SPATA13: variants seen among roughly 807,000 people sequenced by gnomAD.
SPATA13 encodes spermatogenesis associated 13, also known as spermatogenesis-associated protein 13.
SPATA13 carries 50 observed loss-of-function variants against 104.0 expected under a neutral mutation model. That is an observed-to-expected ratio of 0.48 (90% CI 0.38 to 0.61). The LOEUF (loss-of-function observed/expected upper bound fraction) is 0.61, where lower values mean the gene tolerates loss of function less well. Among genes scored for constraint, SPATA13 ranks in the 20% least tolerant of loss-of-function variants. SPATA13 has a pLI of 0.00. For missense variants in SPATA13, 1,524 were observed against 1,690.6 expected (o/e 0.90, Z 1.73); for synonymous variants, 606 against 667.5 (o/e 0.91, Z 1.42).
chr13:24,006,668 C>T (rs981864896), intron 2 of SPATA13, among the ~76,000 whole-genome samples: 1 of 152,166 alleles, frequency 6.6e-6, no homozygotes, highest in African/African-American at 2.4e-5. Context: ...GGGGCCTGCA[C>T]GGCTATGGTC....
intron 2 of SPATA13, among the ~76,000 whole-genome samples, chr13:23,991,750 C>T (rs1875426563): frequency 6.6e-6 from 1 of 152,076 alleles, no homozygotes; most frequent in South Asian, 2.1e-4. Flanking sequence ...CAGTGACCTT[C>T]ATTTGTAGAC....
chr13:24,071,921 C>A (rs1173095946), intron 3 of SPATA13, among the ~76,000 whole-genome samples: 2 of 152,168 alleles, frequency 1.3e-5, no homozygotes, highest in Admixed American at 6.5e-5. Context: ...ACAGCTAGAG[C>A]TCTTAAGAAT....
intron 2 of SPATA13, among the ~76,000 whole-genome samples, chr13:24,016,937 T>C (rs535845005): frequency 5.9e-5 from 9 of 152,340 alleles, no homozygotes; most frequent in Non-Finnish European, 8.8e-5. Context: ...AGTTACTGAA[T>C]GACAGTGGAT....
At chr13:24,172,206 C>T (rs901880704) in intron 1 of SPATA13, among the ~76,000 whole-genome samples, 13 of 152,176 alleles carry the variant, frequency 8.5e-5, no homozygotes, top group Non-Finnish European at 1.5e-4. Context: ...ATTATGAAAT[C>T]GGAATGTTTG....
chr13:24,071,199 T>G (rs182809638), intron 3 of SPATA13, among the ~76,000 whole-genome samples: 6 of 152,236 alleles, frequency 3.9e-5, no homozygotes, highest in Admixed American at 3.9e-4. Flanking sequence ...AGGAGACAGC[T>G]GCATCTCAGT....
intron 5 of SPATA13, among the ~76,000 whole-genome samples, chr13:24,285,686 T>G (rs988528323): frequency 2.6e-5 from 4 of 151,092 alleles, no homozygotes; most frequent in Non-Finnish European, 5.9e-5. Context: ...CTGGCTTTTT[T>G]TTTTTTTTTT....
rs548358931 is a variant in SPATA13 at position 24,189,918 on chromosome 13, AT to A, written c.-112+28987del. On this transcript the variant is annotated intron_variant, in intron 1 of 12. Transcript: ENST00000382108. ...ATTATATAATTATATTACATAATATATATTATATAATTATATAATATATTAC... is the reference window on the plus strand; with the variant it reads ...ATTATATAATTATATTACATAATATAATTATATAATTATATAATATATTAC... 7.0e-4 allele frequency among the ~76,000 whole-genome samples: 66 copies of A among 94,322 alleles called. 17 individuals are homozygous for A. The South Asian group carries it at 0.022, about 32-fold the overall frequency. 61.9% of individuals were successfully genotyped at this position (94,322 alleles called of 152,430 possible).
intron 8 of SPATA13, among the ~76,000 whole-genome samples, 170 bp downstream of exon 8, chr13:24,289,348 G>C (rs1382287126): frequency 6.6e-6 from 1 of 152,106 alleles, no homozygotes; most frequent in Non-Finnish European, 1.5e-5. Flanking sequence ...AACAAAATCT[G>C]TATAGTTAAT....
chr13:24,132,361 C>T (rs9580881), intron 3 of SPATA13, among the ~76,000 whole-genome samples: 1 of 152,158 alleles, frequency 6.6e-6, no homozygotes, highest in African/African-American at 2.4e-5. Context: ...GCCATCTGGA[C>T]CAAGTCCTAA....
chr13:24,027,138 T>G, intron 3 of SPATA13, among the ~76,000 whole-genome samples: 1 of 144,364 alleles, frequency 6.9e-6, no homozygotes, highest in East Asian at 2.0e-4. Context: ...TTAGCCGTTT[T>G]TTTTTTTTTT....
intron 4 of SPATA13, among the ~76,000 whole-genome samples, chr13:24,263,977 C>T (rs2138683625): frequency 6.6e-6 from 1 of 152,274 alleles, no homozygotes; most frequent in South Asian, 2.1e-4. Context: ...ACAAATATGG[C>T]CTTTAGTGCC....
rs778704021 is a variant in SPATA13 at position 24,297,481 on chromosome 13, C to G, written c.3329C>G (p.Ser1110Cys). The change falls in exon 11 of 13, where the codon TCC (serine) becomes TGC (cysteine). Residue 1110 changes from serine (S) to cysteine (C), a missense_variant. Physicochemically the swap from Ser to Cys is moderately radical, Grantham distance 112. This residue lies in a region of SPATA13 where 435 missense variants were observed against 554.8 expected (regional missense o/e 0.78). Transcript: ENST00000382108. ...TFFLFDHQLV[S>C]CKKDLLRRDM... ...TTCCTGTTTGACCACCAGCTGGTGT[C>G]CTGCAAGAAGGACCTGCTGCGCAGG... 2 of 1,614,170 alleles carry G rather than the reference C, an allele frequency of 1.2e-6. No homozygotes were observed. Among genetic ancestry groups the G allele is most frequent in the Admixed American group, 3.3e-5 (2 of 60,026 alleles).
intron 3 of SPATA13, chr13:24,123,050 AT>A: frequency 1.0e-6 from 1 of 955,924 alleles, no homozygotes; most frequent in Non-Finnish European, 1.7e-6. Context: ...TCATTGCCAA[AT>A]GTTGTGTCAT....
In SPATA13 at chr13:24,175,803, T is replaced by C. The variant is rs529852490; in HGVS notation, c.-112+14871T>C. Among the ~76,000 whole-genome samples, 3 of 152,318 alleles carry C rather than the reference T, an allele frequency of 2.0e-5. No individual in the cohort carries two copies. In the South Asian group the frequency reaches 6.2e-4, roughly 32 times the overall value. ...TAGAGAGACACGGATCTAGGTGTCA[T>C]TTTTCTTCTCCCACAGGAGAGAAAC... On this transcript the variant is annotated intron_variant, in intron 1 of 12. Transcript: ENST00000382108.
At chr13:24,061,701 A>G (rs1455495711) in intron 3 of SPATA13, among the ~76,000 whole-genome samples, 1 of 152,120 alleles carries the variant, frequency 6.6e-6, no homozygotes, top group Non-Finnish European at 1.5e-5. Flanking sequence ...GGGAACAACA[A>G]CACTGGGGTC....
intron 1 of SPATA13, among the ~76,000 whole-genome samples, chr13:24,162,743 A>G (rs577808746): frequency 6.6e-6 from 1 of 152,288 alleles, no homozygotes; most frequent in East Asian, 1.9e-4. Context: ...TACTGTCCCC[A>G]TTTGACAGAT....
intron 2 of SPATA13, among the ~76,000 whole-genome samples, chr13:24,226,513 A>G (rs1177951255): frequency 2.6e-5 from 4 of 152,188 alleles, no homozygotes; most frequent in Non-Finnish European, 5.9e-5. Flanking sequence ...ACATCTTTAT[A>G]ATTTTCACTT....
chr13:24,010,550 G>A (rs577251457), intron 2 of SPATA13, among the ~76,000 whole-genome samples: 46 of 151,672 alleles, frequency 3.0e-4, no homozygotes, highest in African/African-American at 1.0e-3. Context: ...TTTCCCTTGG[G>A]CTTAGTGATT....
intron 1 of SPATA13, among the ~76,000 whole-genome samples, chr13:24,165,935 C>T (rs528290948): frequency 2.4e-4 from 36 of 152,244 alleles, no homozygotes; most frequent in African/African-American, 8.4e-4. Flanking sequence ...TAAACACATC[C>T]GGGTTGTGTG....
Sources: allele counts gnomAD v4.1 joint callset (sites outside exome capture counted in the v4.1 genomes callset), GRCh38; gene constraint gnomAD v4.1.1; regional missense constraint gnomAD v4.1.1; transcripts MANE v1.5; gene names NCBI Gene and HGNC (gene_info 2026-07-23, HGNC 2026-07-21).